The following P2RY14 variants were observed in gnomAD, a reference collection of about 807,000 sequenced individuals.
The protein encoded by P2RY14 is P2Y purinoceptor 14.
Under a neutral mutation model 0.9 loss-of-function variants are expected in P2RY14, and 2 were observed. The ratio of observed to expected loss-of-function variants is 2.16; its 90% confidence interval spans 0.88 to 6.79. The LOEUF (loss-of-function observed/expected upper bound fraction) is 6.79. Among genes scored for constraint, P2RY14 ranks in the 30% most tolerant of loss-of-function variants. The pLI, the probability that P2RY14 is intolerant of heterozygous loss-of-function variation, is 0.05. For missense variants in P2RY14, 378 were observed against 400.1 expected, an observed-to-expected ratio of 0.94 and a Z score of 0.47; for synonymous variants, 158 against 147.2, an observed-to-expected ratio of 1.07 and a Z score of -0.53.
chr3:151,241,148 T>C (rs1733993609), intron 1 of P2RY14, among the ~76,000 whole-genome samples: 1 of 152,318 alleles, frequency 6.6e-6, no homozygotes, highest in East Asian at 1.9e-4. Flanking sequence ...ATGTAAAATA[T>C]CATTAGTGGT....
chr3:151,256,670 T>C (rs1737866891), intron 1 of P2RY14, among the ~76,000 whole-genome samples: 1 of 152,216 alleles, frequency 6.6e-6, no homozygotes, highest in African/African-American at 2.4e-5. Context: ...GATGAGTTTC[T>C]CGTATTTTAA....
intron 2 of P2RY14, among the ~76,000 whole-genome samples, chr3:151,219,285 A>C (rs1347170075): frequency 6.6e-6 from 1 of 152,212 alleles, no homozygotes; most frequent in Non-Finnish European, 1.5e-5. Context: ...TAATTGATAC[A>C]AGGCTGTGCA....
At chr3:151,233,064 G>T (rs952513246) in intron 1 of P2RY14, among the ~76,000 whole-genome samples, 1 of 152,136 alleles carries the variant, frequency 6.6e-6, no homozygotes, top group African/African-American at 2.4e-5. Context: ...CATTGTCCCT[G>T]CCCTCTTGGA....
chr3:151,259,358 G>A (rs1366259473), intron 1 of P2RY14, among the ~76,000 whole-genome samples: 1 of 152,164 alleles, frequency 6.6e-6, no homozygotes, highest in East Asian at 1.9e-4. Flanking sequence ...CAGAACCCCA[G>A]GAAATACTTT....
rs1399585738 is a variant in P2RY14, at chr3:151,213,832, T to G, written c.485A>C (p.Gln162Pro). ...TATTTGTGTAACCTCCCTAACACTCTGGTTGGTGAGAATAATATTTGGAAC... is the reference window on the plus strand; with the variant it reads ...TATTTGTGTAACCTCCCTAACACTCGGGTTGGTGAGAATAATATTTGGAAC... The part of the protein sequence containing the change: ...LAVPNIILTN[Q>P]SVREVTQIKC... The change falls in exon 3 of 3, where the codon CAG becomes CCG. Residue 162 changes from glutamine (Q) to proline (P), a missense_variant. Transcript: ENST00000309170. The G allele has an allele frequency of 6.2e-7, 1 of 1,614,036 alleles. No homozygotes were observed. The highest frequency in any genetic ancestry group is 2.2e-5 in the East Asian group (1 of 44,898).
chr3:151,227,260 A>G (rs935155230), intron 1 of P2RY14, among the ~76,000 whole-genome samples: 4 of 152,212 alleles, frequency 2.6e-5, no homozygotes, highest in African/African-American at 9.7e-5. Context: ...TGAATTGCAG[A>G]TACCCAAGAA....
intron 1 of P2RY14, among the ~76,000 whole-genome samples, chr3:151,265,981 T>C (rs931920729): frequency 6.6e-6 from 1 of 152,120 alleles, no homozygotes; most frequent in Non-Finnish European, 1.5e-5. Flanking sequence ...CAAAGAGGCA[T>C]TTAATTGTTG....
chr3:151,249,941 C>T (rs2149443822), intron 1 of P2RY14, among the ~76,000 whole-genome samples: 1 of 152,284 alleles, frequency 6.6e-6, no homozygotes, highest in East Asian at 1.9e-4. Context: ...TTACCAGTTT[C>T]TTTCCTTCTG....
At chr3:151,250,263 CT>C (rs1444651384) in intron 1 of P2RY14, among the ~76,000 whole-genome samples, 2 of 152,214 alleles carry the variant, frequency 1.3e-5, no homozygotes, top group South Asian at 2.1e-4. Flanking sequence ...TTTGAGGTAG[CT>C]TTTTTGGGAT....
intron 1 of P2RY14, among the ~76,000 whole-genome samples, chr3:151,270,753 T>G (rs1740792819): frequency 6.6e-6 from 1 of 152,204 alleles, no homozygotes; most frequent in African/African-American, 2.4e-5. Context: ...TGATGTTTAA[T>G]GGGCATCTTT....
intron 1 of P2RY14, among the ~76,000 whole-genome samples, chr3:151,231,903 G>C (rs1731744540): frequency 6.6e-6 from 1 of 152,186 alleles, no homozygotes; most frequent in African/African-American, 2.4e-5. Flanking sequence ...TTCAGTACAA[G>C]AAAACAAAGT....
Position 151,235,769 on chromosome 3 carries a change from CTG to C in P2RY14, c.-132-16129_-132-16128del, listed in dbSNP as rs556703875. Among the ~76,000 whole-genome samples, 310 of 152,090 alleles carry C rather than the reference CTG, an allele frequency of 2.0e-3. 6 individuals carry two copies. Among genetic ancestry groups the C allele is most frequent in the Non-Finnish European group, 9.1e-4 (62 of 67,984 alleles). On this transcript the variant is annotated intron_variant, in intron 1 of 2. Coordinates refer to ENST00000309170, the MANE Select transcript of P2RY14 (RefSeq NM_014879.4). ...AGAGGTCCTTGGAGCTGGCTTCTGC[CTG>C]TGATTGTCAGTCTCTGGTACCTTTG...
intron 1 of P2RY14, among the ~76,000 whole-genome samples, chr3:151,236,664 G>A (rs1732884374): frequency 1.3e-5 from 2 of 151,992 alleles, no homozygotes; most frequent in Admixed American, 1.3e-4. Context: ...ACATCTATAT[G>A]TATTCCTAAA....
intron 1 of P2RY14, among the ~76,000 whole-genome samples, chr3:151,237,153 C>T (rs1383734163): frequency 2.0e-5 from 3 of 150,674 alleles, no homozygotes; most frequent in Admixed American, 1.3e-4. Context: ...GCGATTCTGC[C>T]TCAGCCTCCA....
intron 1 of P2RY14, among the ~76,000 whole-genome samples, chr3:151,251,393 T>TA (rs1165689846): frequency 6.6e-6 from 1 of 152,150 alleles, no homozygotes; most frequent in East Asian, 1.9e-4. Context: ...TTTTTTTTTT[T>TA]ATGCTTAAAT....
At chr3:151,251,558 C>T (rs767826333) in intron 1 of P2RY14, among the ~76,000 whole-genome samples, 1 of 152,136 alleles carries the variant, frequency 6.6e-6, no homozygotes, top group Non-Finnish European at 1.5e-5. Context: ...TTGTGGGTCT[C>T]TAATACTTAA....
At chr3:151,275,250 T>C (rs1413075646) in intron 1 of P2RY14, among the ~76,000 whole-genome samples, 1 of 152,172 alleles carries the variant, frequency 6.6e-6, no homozygotes, top group Non-Finnish European at 1.5e-5. Context: ...TACAGATCGC[T>C]TTGGGCCAAC....
In P2RY14 at chr3:151,214,948, C is replaced by A. The variant is rs149397588; in HGVS notation, c.-24-608G>T. On this transcript the variant is annotated intron_variant, in intron 2 of 2. Coordinates refer to ENST00000309170, the MANE Select transcript of P2RY14 (RefSeq NM_014879.4). ...GAAATTTTTATGGATTCATAAAAAT[C>A]ATTATAAATGTTTACATATTAAGAG... is the stretch of plus-strand genomic sequence containing the variant. Among the ~76,000 whole-genome samples the A allele has an allele frequency of 1.9e-3, 292 of 152,076 alleles. 3 individuals carry two copies. The highest frequency in any genetic ancestry group is 9.1e-3 in the South Asian group (44 of 4,824).
chr3:151,256,108 A>T (rs1737767166), intron 1 of P2RY14, among the ~76,000 whole-genome samples: 1 of 152,238 alleles, frequency 6.6e-6, no homozygotes, highest in Non-Finnish European at 1.5e-5. Flanking sequence ...TTTAATGAAT[A>T]TTAATTGTTA....
Sources: allele counts gnomAD v4.1 joint callset (sites outside exome capture counted in the v4.1 genomes callset), GRCh38; gene constraint gnomAD v4.1.1; transcripts MANE v1.5; gene names NCBI Gene and HGNC (gene_info 2026-07-23, HGNC 2026-07-21).